Variants in COL5A1 observed in about 807,000 individuals in gnomAD.
COL5A1 encodes the protein collagen type V alpha 1 chain, also known as collagen alpha-1(V) chain.
In COL5A1, 16 loss-of-function variants were observed where a neutral mutation model predicts 263.7. The ratio of observed to expected loss-of-function variants is 0.06; its 90% confidence interval spans 0.04 to 0.09. The LOEUF is 0.09. Among genes scored for constraint, COL5A1 ranks in the 10% least tolerant of loss-of-function variants. The pLI is 1.00. For synonymous variants in COL5A1, 1,012 were observed against 1,004.5 expected (o/e 1.01, Z -0.14); for missense variants, 2,036 against 2,540.5 (o/e 0.80, Z 4.27).
intron 18 of COL5A1, among the ~76,000 whole-genome samples, chr9:134,760,059 C>A (rs1836261987): frequency 7.3e-6 from 1 of 136,548 alleles, no homozygotes; most frequent in South Asian, 2.6e-4. Context: ...CCCACACACC[C>A]CCACACTCAT....
chr9:134,775,573 G>C (rs1837024648), intron 27 of COL5A1, among the ~76,000 whole-genome samples: 1 of 152,190 alleles, frequency 6.6e-6, no homozygotes, highest in Non-Finnish European at 1.5e-5. Flanking sequence ...CTCTGAGCTG[G>C]GTAATGCAAT....
rs560286738 is a variant in COL5A1 at position 134,792,832 on chromosome 9, CATGTGT to C, written c.2701-2243_2701-2238del. Among the ~76,000 whole-genome samples, 104 of 139,452 alleles carry C rather than the reference CATGTGT, an allele frequency of 7.5e-4. 1 individual carries two copies. The highest frequency in any genetic ancestry group is 2.8e-3 in the African/African-American group (102 of 36,438). 91.5% of individuals were successfully genotyped at this position (139,452 alleles called of 152,430 possible). On this transcript the variant is annotated intron_variant, in intron 32 of 65. Transcript: ENST00000371817. ...GCATGTGTGTGCATGTGTGTGTATG[CATGTGT>C]ATGTGTGTGTGCGCACACGTGTGTG...
intron 7 of COL5A1, among the ~76,000 whole-genome samples, 166 bp downstream of exon 7, chr9:134,730,641 C>T (rs776179921): frequency 1.4e-4 from 21 of 152,218 alleles, no homozygotes; most frequent in Non-Finnish European, 3.1e-4. Context: ...AGCTGGGTGG[C>T]GTAATACTTC....
chr9:134,757,516 T>C lies in COL5A1; in HGVS notation c.1881+698T>C, dbSNP rs183083812. 7.2e-5 allele frequency among the ~76,000 whole-genome samples: 11 copies of C among 152,332 alleles called. No homozygotes were observed. The East Asian group carries it at 2.1e-3, about 29-fold the overall frequency. On this transcript the variant is annotated intron_variant, in intron 17 of 65. Coordinates refer to ENST00000371817, the MANE Select transcript of COL5A1 (RefSeq NM_000093.5). The surrounding 1 kb of genome is among the most constrained non-coding windows in gnomAD (Gnocchi z 6.2). ...AAAAATGCCAGGGCTCAACTACACC[T>C]GTTCCCTCTTAACGGGCGTGGATGA...
chr9:134,780,157 C>G lies in COL5A1; in HGVS notation c.2430+11C>G, dbSNP rs760729495. On this transcript the variant is annotated intron_variant, in intron 28 of 65. Transcript: ENST00000371817. The stretch of plus-strand genomic sequence containing the variant: ...ACAAAGGGCGAGAAGGTAAGTCTCT[C>G]CTTGCAGCCACGGGGCCCCCTGCTT... The G allele has an allele frequency of 6.2e-7, 1 of 1,613,192 alleles. No homozygotes were observed. Among genetic ancestry groups the G allele is most frequent in the South Asian group, 1.1e-5 (1 of 91,080 alleles).
At position 134,824,285 on chromosome 9, in the gene COL5A1, C is replaced by T. The variant is rs578082819; in HGVS notation, c.4699-315C>T. ...GGAGACCTGGTCCCTTTCCTCAAGG[C>T]TTGGCCTTTTGTGTGGCTGAGGGCA... On this transcript the variant is annotated intron_variant, in intron 61 of 65. Transcript: ENST00000371817. Among the ~76,000 whole-genome samples the T allele has an allele frequency of 1.9e-3, 283 of 152,342 alleles. 1 individual carries two copies. Among genetic ancestry groups the T allele is most frequent in the Middle Eastern group, 6.8e-3 (2 of 294 alleles).
At chr9:134,782,461 C>T (rs1837292413) in intron 28 of COL5A1, 1 of 669,102 alleles carries the variant, frequency 1.5e-6, no homozygotes, top group African/African-American at 1.8e-5. Flanking sequence ...CTCTCTCCAG[C>T]TTCAGAACGT....
Position 134,641,814 on chromosome 9 carries a change from C to T in COL5A1, c.-374C>T, listed in dbSNP as rs1008271563. 5.9e-5 allele frequency: 23 copies of T among 386,726 alleles called. No individual in the cohort carries two copies. The East Asian group carries it at 8.4e-4, about 14-fold the overall frequency. 24.0% of individuals were successfully genotyped at this position (386,726 alleles called of 1,614,324 possible). A position where few individuals can be genotyped will look rare whatever the true frequency, so the allele number is the denominator to read the frequency against. ...GCGCCGAAGGCGAGGTCCGCACTCT[C>T]CGTCCCCGCGGCTGGCGCAGGACCT... On this transcript the variant is annotated 5_prime_UTR_variant, in exon 1 of 66. Transcript: ENST00000371817.
rs902312422 is a variant in COL5A1 at position 134,647,453 on chromosome 9, A to ATGTGTTTGTGGGTATACATG, written c.109+5166_109+5185dup. Among the ~76,000 whole-genome samples the ATGTGTTTGTGGGTATACATG allele has an allele frequency of 6.6e-6, 1 of 152,134 alleles. No homozygotes were observed. The highest frequency in any genetic ancestry group is 1.5e-5 in the Non-Finnish European group (1 of 68,016). On this transcript the variant is annotated intron_variant, in intron 1 of 65. Coordinates refer to ENST00000371817, the MANE Select transcript of COL5A1 (RefSeq NM_000093.5). The surrounding 1 kb of genome is among the most constrained non-coding windows in gnomAD (Gnocchi z 5.0). ...ATCTCCCCGCGATCTGCCTGCACAC[A>ATGTGTTTGTGGGTATACATG]TGTGTTTGTGGGTATACATGTGTGT...
At chr9:134,763,811 CAGGAT>C in intron 20 of COL5A1, 74 bp downstream of exon 20, 1 of 1,447,528 alleles carries the variant, frequency 6.9e-7, no homozygotes, top group Non-Finnish European at 9.7e-7. Context: ...CCTGCTGGAG[CAGGAT>C]CTGGGATCAG....
At chr9:134,834,884 GAGTGAAGCCCAGGGC>G in intron 64 of COL5A1, 72 bp from the exon 65 acceptor site, 1 of 949,674 alleles carries the variant, frequency 1.1e-6, no homozygotes, top group East Asian at 2.6e-5. Flanking sequence ...ACCACAGTGT[GAGTGAAGCCCAGGGC>G]AGTGCGGACG....
In COL5A1 at chr9:134,766,884, T is replaced by C. The variant is rs4842159; in HGVS notation, c.2134-116T>C. ...GCCGCCTTTCCCTTCCCGCTGGCAT[T>C]AGGCAGTGGGGAGCAGTTTGAAAGG... On this transcript the variant is annotated intron_variant, in intron 22 of 65. Coordinates refer to ENST00000371817, the MANE Select transcript of COL5A1 (RefSeq NM_000093.5). The C allele has an allele frequency of 0.56, 556,508 of 992,462 alleles. 162,770 individuals are homozygous for C. The highest frequency in any genetic ancestry group is 0.89 in the East Asian group (34,379 of 38,832). The allele number at this position is 992,462 out of a possible 1,614,324, so 61.5% of individuals were successfully genotyped here. A position where few individuals can be genotyped will look rare whatever the true frequency, so the allele number is the denominator to read the frequency against.
intron 26 of COL5A1, among the ~76,000 whole-genome samples, chr9:134,773,806 T>C (rs773974870): frequency 6.6e-6 from 1 of 152,218 alleles, no homozygotes; most frequent in Non-Finnish European, 1.5e-5. Context: ...GTGCTGCCTC[T>C]GAGACCCAGA....
At chr9:134,820,404 T>C (rs1272971413) in intron 58 of COL5A1, among the ~76,000 whole-genome samples, 181 bp downstream of exon 58, 1 of 152,172 alleles carries the variant, frequency 6.6e-6, no homozygotes, top group East Asian at 1.9e-4. Context: ...AGGTGCACAG[T>C]GAGCTGGGCA....
rs1300788015 is a variant in COL5A1 at position 134,716,714 on chromosome 9, G to A, written c.655-10552G>A. 6.6e-6 allele frequency among the ~76,000 whole-genome samples: 1 copy of A among 152,142 alleles called. No homozygotes were observed. The highest frequency in any genetic ancestry group is 6.5e-5 in the Admixed American group (1 of 15,282). On this transcript the variant is annotated intron_variant, in intron 4 of 65. Coordinates refer to ENST00000371817, the MANE Select transcript of COL5A1 (RefSeq NM_000093.5). This position sits in a 1 kb window ranked among gnomAD's most constrained non-coding sequence, Gnocchi z 4.5. ...CTTCAGTCCCTGTGGCCAGCTTCAG[G>A]GTGTGCATGAGGCTGTGACCTGATC...
chr9:134,654,884 G>A (rs1302433758), intron 1 of COL5A1, among the ~76,000 whole-genome samples: 2 of 127,422 alleles, frequency 1.6e-5, no homozygotes, highest in African/African-American at 3.0e-5. Flanking sequence ...CTGGGGGTGT[G>A]TAGGGCTGGG....
intron 1 of COL5A1, among the ~76,000 whole-genome samples, chr9:134,672,122 C>G (rs1165098716): frequency 6.6e-6 from 1 of 152,244 alleles, no homozygotes; most frequent in African/African-American, 2.4e-5. Flanking sequence ...GACTGTCTTG[C>G]AGCTTCAGTT....
intron 34 of COL5A1, 94 bp from the exon 35 acceptor site, chr9:134,796,280 T>C (rs1837905112): frequency 1.1e-5 from 15 of 1,391,360 alleles, no homozygotes; most frequent in African/African-American, 2.8e-5. Context: ...CAGGCAATAT[T>C]TGACTCAGAC....
In COL5A1 at chr9:134,782,416, T is replaced by C. The variant is rs574348667; in HGVS notation, c.2431-251T>C. ...GGCCTCGCCATGCAGAACATTCAGA[T>C]TCAAACTGGGCCTGCCCAAGAAGCA... is the stretch of plus-strand genomic sequence containing the variant. On this transcript the variant is annotated intron_variant, in intron 28 of 65. Transcript: ENST00000371817. 2.5e-5 allele frequency: 15 copies of C among 589,222 alleles called. No individual in the cohort carries two copies. The Admixed American group carries it at 4.1e-4, about 16-fold the overall frequency. 36.5% of individuals were successfully genotyped at this position (589,222 alleles called of 1,614,324 possible).
Sources: gnomAD v4.1 joint callset for allele counts (sites outside exome capture counted in the v4.1 genomes callset) on GRCh38, gnomAD v4.1.1 for gene constraint, Gnocchi (gnomAD v3.1) non-coding constraint, MANE v1.5 for transcripts, NCBI Gene and HGNC (gene_info 2026-07-23, HGNC 2026-07-21) for gene names.